Variants in NT5DC1 observed in about 807,000 individuals in gnomAD.
NT5DC1 encodes the protein 5'-nucleotidase domain-containing protein 1.
NT5DC1 carries 42 observed loss-of-function variants against 59.4 expected under a neutral mutation model. The ratio of observed to expected loss-of-function variants is 0.71; its 90% CI spans 0.55 to 0.92. NT5DC1 has a LOEUF of 0.92. Among genes scored for constraint, NT5DC1 ranks in the 40% least tolerant of loss-of-function variants. The pLI is 0.00. For missense variants in NT5DC1, 501 were observed against 537.1 expected (o/e 0.93, Z 0.66); for synonymous variants, 172 against 188.1 (o/e 0.91, Z 0.70).
chr6:116,117,834 T>C, intron 5 of NT5DC1, 27 bp from the exon 6 acceptor site: 1 of 1,291,552 alleles, frequency 7.7e-7, no homozygotes, highest in South Asian at 1.2e-5. Context: ...ATTATTGTGT[T>C]TGTTTCATTT....
At chr6:116,219,566 C>A (rs1028179944) in intron 6 of NT5DC1, among the ~76,000 whole-genome samples, 32 of 152,148 alleles carry the variant, frequency 2.1e-4, no homozygotes, top group Non-Finnish European at 7.4e-5. Flanking sequence ...AATATCAGAG[C>A]ACTCCCCAGC....
chr6:116,232,495 TAAAA>T (rs1322967022), intron 8 of NT5DC1, among the ~76,000 whole-genome samples: 1 of 149,238 alleles, frequency 6.7e-6, no homozygotes, highest in Non-Finnish European at 1.5e-5. Flanking sequence ...AAATAAGACT[TAAAA>T]AACATGTAAA....
At chr6:116,197,497 C>T (rs1781258904) in intron 6 of NT5DC1, among the ~76,000 whole-genome samples, 1 of 152,056 alleles carries the variant, frequency 6.6e-6, no homozygotes, top group African/African-American at 2.4e-5. Context: ...ACCTCTGCCA[C>T]CCAAGTTTTA....
Position 116,195,678 on chromosome 6 carries a change from A to C in NT5DC1, c.530-25376A>C, listed in dbSNP as rs541670346. Among the ~76,000 whole-genome samples the C allele has an allele frequency of 2.0e-5, 3 of 152,194 alleles. No homozygotes were observed. The South Asian group carries it at 6.2e-4, about 32-fold the overall frequency. On this transcript the variant is annotated intron_variant, in intron 6 of 11. Transcript: ENST00000319550. Reference sequence around the variant, plus strand: ...TTTTAAATTTTTGGTTGGAAAAGGCACATCTTTAGAATATGGTAGACTCTC... The same window carrying C: ...TTTTAAATTTTTGGTTGGAAAAGGCCCATCTTTAGAATATGGTAGACTCTC...
At chr6:116,102,986 C>G (rs1778693211) in intron 1 of NT5DC1, among the ~76,000 whole-genome samples, 1 of 152,200 alleles carries the variant, frequency 6.6e-6, no homozygotes, top group Admixed American at 6.5e-5. Flanking sequence ...GTCTTTTTGG[C>G]CCTTAAAGTT....
chr6:116,159,917 T>G (rs1190470270), intron 6 of NT5DC1, among the ~76,000 whole-genome samples: 1 of 152,202 alleles, frequency 6.6e-6, no homozygotes, highest in Non-Finnish European at 1.5e-5. Context: ...CCTCCAGCTC[T>G]ATCCATGTTG....
intron 6 of NT5DC1, among the ~76,000 whole-genome samples, chr6:116,161,805 A>G (rs1780339040): frequency 6.6e-6 from 1 of 152,180 alleles, no homozygotes; most frequent in Admixed American, 6.5e-5. Flanking sequence ...TTGACTTTCT[A>G]GATTGCTTTG....
rs1163823336 is a variant in NT5DC1 at position 116,244,853 on chromosome 6, A to G, written c.*829A>G. 2.0e-5 allele frequency: 3 copies of G among 152,298 alleles called. No homozygotes were observed. In the East Asian group the frequency reaches 5.8e-4, roughly 29 times the overall value. The allele number at this position is 152,298 out of a possible 1,614,324, so 9.4% of individuals were successfully genotyped here. On this transcript the variant is annotated 3_prime_UTR_variant, in exon 12 of 12. Transcript: ENST00000319550. Reference sequence around the variant, plus strand: ...CACTAGGTTTTTTTCTAATAATGTTAAAGGCTATTTAATTTATTTAATCAA... The same window carrying G: ...CACTAGGTTTTTTTCTAATAATGTTGAAGGCTATTTAATTTATTTAATCAA...
At position 116,129,252 on chromosome 6, in the gene NT5DC1, T is replaced by C. The variant is rs114634026; in HGVS notation, c.529+11307T>C. Among the ~76,000 whole-genome samples the C allele has an allele frequency of 5.0e-3, 765 of 152,290 alleles. 6 individuals carry two copies. The highest frequency in any genetic ancestry group is 0.018 in the African/African-American group (730 of 41,548). ...AACATATGTATACACATGTCTATAT[T>C]ATATAGAAACACATACATACATATC... On this transcript the variant is annotated intron_variant, in intron 6 of 11. Transcript: ENST00000319550.
intron 10 of NT5DC1, 82 bp from the exon 11 acceptor site, chr6:116,238,870 GTTT>G (rs1361821781): frequency 1.3e-5 from 11 of 862,836 alleles, no homozygotes; most frequent in African/African-American, 5.1e-5. Context: ...GGGTTTCAAA[GTTT>G]TTATTTACTT....
intron 6 of NT5DC1, among the ~76,000 whole-genome samples, chr6:116,170,385 A>G (rs909744977): frequency 5.3e-5 from 8 of 152,300 alleles, no homozygotes; most frequent in African/African-American, 1.7e-4. Context: ...TCTGCCACGT[A>G]GTTGGTGTGC....
intron 6 of NT5DC1, among the ~76,000 whole-genome samples, chr6:116,147,001 A>G (rs1168307693): frequency 3.7e-5 from 1 of 26,732 alleles, no homozygotes; most frequent in Non-Finnish European, 6.5e-5. Context: ...ATAATATAAA[A>G]TATATATATA....
intron 1 of NT5DC1, 75 bp from the exon 2 acceptor site, chr6:116,106,169 G>A: frequency 1.2e-6 from 1 of 801,216 alleles, no homozygotes; most frequent in Non-Finnish European, 2.3e-6. Flanking sequence ...AATTCCATTA[G>A]GGTTTTAGGT....
At position 116,146,863 on chromosome 6, in the gene NT5DC1, T is replaced by C. The variant is rs576859654; in HGVS notation, c.529+28918T>C. Reference sequence around the variant, plus strand: ...GCCTATGGATAGCCATCTGAAAAAATACAGTTGTGCCCTACCTCACACCTA... The same window carrying C: ...GCCTATGGATAGCCATCTGAAAAAACACAGTTGTGCCCTACCTCACACCTA... On this transcript the variant is annotated intron_variant, in intron 6 of 11. Transcript: ENST00000319550. Among the ~76,000 whole-genome samples the C allele has an allele frequency of 1.2e-3, 175 of 151,780 alleles. 1 individual carries two copies. Among genetic ancestry groups the C allele is most frequent in the Admixed American group, 2.8e-3 (43 of 15,238 alleles).
chr6:116,169,261 G>A (rs1449245119), intron 6 of NT5DC1, among the ~76,000 whole-genome samples: 2 of 152,088 alleles, frequency 1.3e-5, no homozygotes, highest in South Asian at 2.1e-4. Flanking sequence ...TTTAAAGTTT[G>A]TTTAACTTTT....
intron 6 of NT5DC1, among the ~76,000 whole-genome samples, chr6:116,188,954 A>T (rs1479125274): frequency 6.6e-6 from 1 of 151,932 alleles, no homozygotes; most frequent in Non-Finnish European, 1.5e-5. Flanking sequence ...TATAATTGGA[A>T]TGGATAAATA....
At chr6:116,117,357 A>G (rs1476982495) in intron 5 of NT5DC1, among the ~76,000 whole-genome samples, 2 of 152,180 alleles carry the variant, frequency 1.3e-5, no homozygotes, top group East Asian at 3.8e-4. Context: ...TTAAAATTAC[A>G]TTTAGAAGAA....
At chr6:116,165,340 C>T (rs1275315101) in intron 6 of NT5DC1, among the ~76,000 whole-genome samples, 1 of 152,086 alleles carries the variant, frequency 6.6e-6, no homozygotes, top group Non-Finnish European at 1.5e-5. Flanking sequence ...TATCATATCT[C>T]ACTGGTGTTC....
chr6:116,113,793 A>G (rs957826059), intron 4 of NT5DC1, among the ~76,000 whole-genome samples: 4 of 152,228 alleles, frequency 2.6e-5, no homozygotes, highest in Non-Finnish European at 5.9e-5. Context: ...GTACCCACAA[A>G]GGAAGAAGAA....
Sources: allele counts gnomAD v4.1 joint callset (sites outside exome capture counted in the v4.1 genomes callset), GRCh38; gene constraint gnomAD v4.1.1; transcripts MANE v1.5; gene names NCBI Gene and HGNC (gene_info 2026-07-23, HGNC 2026-07-21).